GRID1: variants seen among roughly 807,000 people sequenced by gnomAD.
GRID1 encodes glutamate ionotropic receptor delta type subunit 1, also known as glutamate receptor ionotropic, delta-1.
A neutral mutation model predicts 98.0 loss-of-function variants in GRID1; 28 were observed. The ratio of observed to expected loss-of-function variants is 0.29; its 90% CI spans 0.21 to 0.39. The LOEUF (loss-of-function observed/expected upper bound fraction) is 0.39. Ranked by LOEUF, GRID1 falls within the 10% of genes least tolerant of loss-of-function variation. GRID1 has a pLI of 1.00. For missense variants in GRID1, 1,111 were observed against 1,340.5 expected, an observed-to-expected ratio of 0.83 and a Z score of 2.67; for synonymous variants, 553 against 538.5, an observed-to-expected ratio of 1.03 and a Z score of -0.37.
intron 4 of GRID1, among the ~76,000 whole-genome samples, chr10:85,948,902 ATTG>A (rs1842084187): frequency 6.6e-6 from 1 of 152,234 alleles, no homozygotes; most frequent in Admixed American, 6.5e-5. Flanking sequence ...ACGATATTTC[ATTG>A]TTGTCTGAAT....
intron 4 of GRID1, among the ~76,000 whole-genome samples, chr10:86,024,045 A>C (rs1317930158): frequency 2.0e-5 from 3 of 152,080 alleles, no homozygotes; most frequent in Non-Finnish European, 4.4e-5. Flanking sequence ...GTGCCTCTGA[A>C]CCAAGGCCAG....
chr10:86,346,982 C>T (rs571977132), intron 2 of GRID1, among the ~76,000 whole-genome samples: 1 of 152,156 alleles, frequency 6.6e-6, no homozygotes, highest in East Asian at 1.9e-4. Context: ...GGCCCGGTAC[C>T]CTGCGTGAAC....
intron 3 of GRID1, among the ~76,000 whole-genome samples, chr10:86,154,078 G>A (rs1221353490): frequency 6.6e-6 from 1 of 152,140 alleles, no homozygotes; most frequent in African/African-American, 2.4e-5. Context: ...CTCCGAGGAA[G>A]GTGCAGACAA....
Position 86,232,141 on chromosome 10 carries a change from T to G in GRID1, c.236-25493A>C, listed in dbSNP as rs546560687. On this transcript the variant is annotated intron_variant, in intron 2 of 15. Coordinates refer to ENST00000327946, the MANE Select transcript of GRID1 (RefSeq NM_017551.3). Reference sequence around the variant, plus strand: ...TCCCTGTTTTCTCCTCTCTCATCCCTAAGTGCAATGAGAATAGCGCATCCC... The same window carrying G: ...TCCCTGTTTTCTCCTCTCTCATCCCGAAGTGCAATGAGAATAGCGCATCCC... 4.3e-4 allele frequency among the ~76,000 whole-genome samples: 65 copies of G among 152,218 alleles called. 1 individual carries two copies. Among genetic ancestry groups the G allele is most frequent in the Non-Finnish European group, 7.1e-4 (48 of 68,004 alleles).
intron 12 of GRID1, among the ~76,000 whole-genome samples, chr10:85,703,054 G>C (rs1234628992): frequency 6.6e-6 from 1 of 152,112 alleles, no homozygotes; most frequent in Non-Finnish European, 1.5e-5. Context: ...GAAAGTAAAA[G>C]AGGAGAGGAA....
intron 3 of GRID1, among the ~76,000 whole-genome samples, chr10:86,193,595 C>A (rs2132010221): frequency 6.6e-6 from 1 of 152,106 alleles, no homozygotes; most frequent in East Asian, 1.9e-4. Flanking sequence ...CCCCTTCCAG[C>A]TCAGGTCAAC....
At chr10:85,696,511 T>C (rs1207649330) in intron 12 of GRID1, among the ~76,000 whole-genome samples, 1 of 152,130 alleles carries the variant, frequency 6.6e-6, no homozygotes, top group African/African-American at 2.4e-5. Context: ...GGAGATGAAA[T>C]TAAATACACC....
intron 8 of GRID1, among the ~76,000 whole-genome samples, chr10:85,764,050 G>A (rs920507329): frequency 1.3e-5 from 2 of 152,130 alleles, no homozygotes; most frequent in Admixed American, 6.5e-5. Context: ...CTTAATAAAA[G>A]CCAAAGAGAT....
At chr10:85,627,288 T>C (rs1194850252) in intron 13 of GRID1, among the ~76,000 whole-genome samples, 1 of 152,238 alleles carries the variant, frequency 6.6e-6, no homozygotes, top group East Asian at 1.9e-4. Context: ...TCAGTTCCAC[T>C]GGATAAACTG....
intron 12 of GRID1, among the ~76,000 whole-genome samples, chr10:85,683,757 T>C (rs1322037171): frequency 6.6e-6 from 1 of 152,218 alleles, no homozygotes; most frequent in East Asian, 1.9e-4. Context: ...TTGAAAACTT[T>C]TGGCCCAGAT....
chr10:86,044,434 C>A (rs1015737134), intron 4 of GRID1, among the ~76,000 whole-genome samples: 1 of 152,190 alleles, frequency 6.6e-6, no homozygotes, highest in Non-Finnish European at 1.5e-5. Context: ...AGTGCTAGAA[C>A]TGGGACATTG....
chr10:86,353,786 G>A (rs536260324), intron 2 of GRID1, among the ~76,000 whole-genome samples: 1 of 152,336 alleles, frequency 6.6e-6, no homozygotes, highest in South Asian at 2.1e-4. Flanking sequence ...GGAGAGGTGA[G>A]TGAGGGCAGG....
chr10:86,128,085 C>A (rs1007445621), intron 4 of GRID1, among the ~76,000 whole-genome samples: 1 of 152,122 alleles, frequency 6.6e-6, no homozygotes, highest in African/African-American at 2.4e-5. Flanking sequence ...AGGACAATGC[C>A]CCTTCCTCTG....
At chr10:86,058,510 C>A (rs1427851791) in intron 4 of GRID1, among the ~76,000 whole-genome samples, 2 of 152,228 alleles carry the variant, frequency 1.3e-5, no homozygotes, top group African/African-American at 4.8e-5. Context: ...AACTCACTCT[C>A]TCCAGAGAAA....
chr10:85,906,428 C>G (rs186852194), intron 5 of GRID1, among the ~76,000 whole-genome samples: 1 of 152,108 alleles, frequency 6.6e-6, no homozygotes, highest in Admixed American at 6.5e-5. Flanking sequence ...ATGAAACATT[C>G]CACACAACAG....
intron 8 of GRID1, among the ~76,000 whole-genome samples, chr10:85,818,050 T>C (rs1842731776): frequency 6.6e-6 from 1 of 152,224 alleles, no homozygotes; most frequent in South Asian, 2.1e-4. Flanking sequence ...TGCTGTTCTT[T>C]AGTTGGTAAA....
intron 8 of GRID1, among the ~76,000 whole-genome samples, chr10:85,761,984 T>C (rs1842151748): frequency 6.6e-6 from 1 of 152,214 alleles, no homozygotes; most frequent in African/African-American, 2.4e-5. Context: ...TTTGCTCCTC[T>C]CCAATATGTT....
chr10:85,635,002 A>G (rs1843019889), intron 13 of GRID1, among the ~76,000 whole-genome samples: 1 of 69,624 alleles, frequency 1.4e-5, no homozygotes, highest in Non-Finnish European at 2.8e-5. Context: ...AAATCTGAAA[A>G]AAAAAAAAAA....
In GRID1 at chr10:85,869,697, T is replaced by C. The variant is rs1465093998; in HGVS notation, c.781-517A>G. Among the ~76,000 whole-genome samples the C allele has an allele frequency of 2.6e-5, 4 of 152,324 alleles. No homozygotes were observed. The East Asian group carries it at 7.7e-4, about 29-fold the overall frequency. On this transcript the variant is annotated intron_variant, in intron 5 of 15. Transcript: ENST00000327946. ...CACTATTCATTCCACAAAATCTACC[T>C]ATATCTCTGAAGTTTGTTCTGTACT...
Sources: allele counts gnomAD v4.1 joint callset (sites outside exome capture counted in the v4.1 genomes callset), GRCh38; gene constraint gnomAD v4.1.1; transcripts MANE v1.5; gene names NCBI Gene and HGNC (gene_info 2026-07-23, HGNC 2026-07-21).